The following TPRG1L variants were observed in gnomAD, a reference collection of about 807,000 sequenced individuals.
The protein encoded by TPRG1L is tumor protein p63-regulated gene 1-like protein.
Under a neutral mutation model 29.4 loss-of-function variants are expected in TPRG1L, and 25 were observed. The observed-to-expected ratio is 0.85, with a 90% CI of 0.62 to 1.19. TPRG1L has a LOEUF of 1.19. TPRG1L is among the 50% of genes most tolerant of loss of function. The pLI is 0.00. For synonymous variants in TPRG1L, 182 were observed against 151.1 expected (o/e 1.20, Z -1.50); for missense variants, 354 against 364.4 (o/e 0.97, Z 0.23).
At chr1:3,627,413 T>G in intron 3 of TPRG1L, 87 bp from the exon 4 acceptor site, 3 of 1,496,476 alleles carry the variant, frequency 2.0e-6, no homozygotes, top group South Asian at 2.4e-5. Context: ...TGCTGTCATA[T>G]TCTCCTAACT....
At position 3,629,198 on chromosome 1, in the gene TPRG1L, C is replaced by G. The variant is rs1188006318; in HGVS notation, c.*595C>G. 3 of 152,208 alleles carry G rather than the reference C, an allele frequency of 2.0e-5. No homozygotes were observed. Among genetic ancestry groups the G allele is most frequent in the Admixed American group, 6.5e-5 (1 of 15,282 alleles). The allele number at this position is 152,208 out of a possible 1,614,324, so 9.4% of individuals were successfully genotyped here. A position where few individuals can be genotyped will look rare whatever the true frequency, so the allele number is the denominator to read the frequency against. ...CGCTGCTCTTTTGGAAATGGGTGACCTGAAGTGACACTTTTTCCACAATTA... is the reference window on the plus strand; with the variant it reads ...CGCTGCTCTTTTGGAAATGGGTGACGTGAAGTGACACTTTTTCCACAATTA... On this transcript the variant is annotated 3_prime_UTR_variant, in exon 5 of 5. Coordinates refer to ENST00000378344, the MANE Select transcript of TPRG1L (RefSeq NM_182752.4).
chr1:3,628,440 C>A lies in TPRG1L; in HGVS notation c.656C>A (p.Ala219Asp). 6.2e-7 allele frequency: 1 copy of A among 1,612,270 alleles called. No individual in the cohort carries two copies. Among genetic ancestry groups the A allele is most frequent in the Non-Finnish European group, 8.5e-7 (1 of 1,178,742 alleles). ...AGCTTCAAGGCTCTGTTAATCCAAGCTGTCAAAAAAGCCCAAAAAGAAAGC... is the reference window on the plus strand; with the variant it reads ...AGCTTCAAGGCTCTGTTAATCCAAGATGTCAAAAAAGCCCAAAAAGAAAGC... ...LESFKALLIQ[A>D]VKKAQKESPL... The change falls in exon 5 of 5, where the codon GCT becomes GAT. Residue 219 changes from alanine to aspartate, a missense_variant. Ala to Asp is a moderately radical substitution (Grantham distance 126). Coordinates refer to ENST00000378344, the MANE Select transcript of TPRG1L (RefSeq NM_182752.4).
chr1:3,625,574 C>T, intron 2 of TPRG1L, 59 bp downstream of exon 2: 1 of 1,573,364 alleles, frequency 6.4e-7, no homozygotes, highest in Non-Finnish European at 8.6e-7. Flanking sequence ...CCGCGCAGCA[C>T]CTTGCGAGGA....
chr1:3,625,687 G>T, intron 2 of TPRG1L, 26 bp from the exon 3 acceptor site: 1 of 1,600,926 alleles, frequency 6.2e-7, no homozygotes, highest in African/African-American at 1.3e-5. Context: ...GTCCAGTGTG[G>T]ACTGAGGCCC....
intron 4 of TPRG1L, 51 bp downstream of exon 4, chr1:3,627,704 C>A: frequency 1.9e-6 from 3 of 1,603,612 alleles, no homozygotes; most frequent in Non-Finnish European, 2.5e-6. Flanking sequence ...GATGGAAACA[C>A]CCCCCGCAGT....
In TPRG1L at chr1:3,625,711, A is replaced by G. The variant is rs767845152; in HGVS notation, c.294-2A>G. ...GGACTGAGGCCCCTCCTCTGCCTACAGGGTGGATCACTGGAACAATGAGAA... is the reference window on the plus strand; with the variant it reads ...GGACTGAGGCCCCTCCTCTGCCTACGGGGTGGATCACTGGAACAATGAGAA... On this transcript the variant is annotated splice_acceptor_variant, in intron 2 of 4. Coordinates refer to ENST00000378344, the MANE Select transcript of TPRG1L (RefSeq NM_182752.4). LOFTEE classifies it high-confidence loss of function. 28 of 1,610,966 alleles carry G rather than the reference A, an allele frequency of 1.7e-5. No homozygotes were observed. The highest frequency in any genetic ancestry group is 2.4e-5 in the Non-Finnish European group (28 of 1,178,514).
In TPRG1L at chr1:3,625,893, A is replaced by G; in HGVS notation, c.470+4A>G. Reference sequence around the variant, plus strand: ...TTCCCCCTAAATCGCTCAACAAGTAAGCCTGTTCAGAGTCCAGTATCACTG... The same window carrying G: ...TTCCCCCTAAATCGCTCAACAAGTAGGCCTGTTCAGAGTCCAGTATCACTG... On this transcript the variant is annotated splice_donor_region_variant and intron_variant, in intron 3 of 4. Transcript: ENST00000378344. 1 of 1,608,268 alleles carries G rather than the reference A, an allele frequency of 6.2e-7. No homozygotes were observed. The highest frequency in any genetic ancestry group is 8.5e-7 in the Non-Finnish European group (1 of 1,178,254).
Position 3,629,398 on chromosome 1 carries a change from G to A in TPRG1L, c.*795G>A, listed in dbSNP as rs1229556626. The A allele has an allele frequency of 3.9e-5, 6 of 152,216 alleles. No homozygotes were observed. The highest frequency in any genetic ancestry group is 1.4e-4 in the African/African-American group (6 of 41,450). 9.4% of individuals were successfully genotyped at this position (152,216 alleles called of 1,614,324 possible). ...TGTATTCATAGTTAAAGGGAATCGG[G>A]TACTTTGCTTGTTGAATAATGCACT... On this transcript the variant is annotated 3_prime_UTR_variant, in exon 5 of 5. Transcript: ENST00000378344.
rs778045809 is a variant in TPRG1L at position 3,627,492 on chromosome 1, CTT to C, written c.471-5_471-4del. On this transcript the variant is annotated splice_region_variant and splice_polypyrimidine_tract_variant and intron_variant, in intron 3 of 4. Transcript: ENST00000378344. ...TGCTAAGTCTGGCTATTTCTTCTGA[CTT>C]TTCAGGCGAGAAGGTTTTGGGATTC... The C allele has an allele frequency of 3.1e-6, 5 of 1,613,646 alleles. No homozygotes were observed. In the Admixed American group the frequency reaches 6.7e-5, roughly 22 times the overall value.
rs1644505800 is a variant in TPRG1L, at chr1:3,628,660, G to A, written c.*57G>A. 4 of 1,464,190 alleles carry A rather than the reference G, an allele frequency of 2.7e-6. No homozygotes were observed. Among genetic ancestry groups the A allele is most frequent in the Non-Finnish European group, 3.7e-6 (4 of 1,084,906 alleles). The allele number at this position is 1,464,190 out of a possible 1,614,324, so 90.7% of individuals were successfully genotyped here. ...GGGAGCTCCTCCCCCTCCCCAGAAGGCCAAGGGATGTGGGGGCTGGGGGAC... is the reference window on the plus strand; with the variant it reads ...GGGAGCTCCTCCCCCTCCCCAGAAGACCAAGGGATGTGGGGGCTGGGGGAC... On this transcript the variant is annotated 3_prime_UTR_variant, in exon 5 of 5. Coordinates refer to ENST00000378344, the MANE Select transcript of TPRG1L (RefSeq NM_182752.4).
chr1:3,628,354 T>C (rs1644503384), intron 4 of TPRG1L, 55 bp from the exon 5 acceptor site: 1 of 1,463,622 alleles, frequency 6.8e-7, no homozygotes, highest in Non-Finnish European at 9.3e-7. Context: ...TTTCAAGTAA[T>C]AGACATTCTT....
At position 3,625,491 on chromosome 1, in the gene TPRG1L, TC is replaced by T. The variant is rs1321512014; in HGVS notation, c.271del (p.Gln91ArgfsTer45). On this transcript the variant is annotated frameshift_variant, in exon 2 of 5. Transcript: ENST00000378344. LOFTEE classifies it high-confidence loss of function. ...GTGCGGCCCGTGGAGGACGGCGAGA[TC>T]CAGGGAGTGTGGCTGCTTACCGAGT... ...VVVRPVEDGE[I>X]QGVWLLTEVD... 3.1e-6 allele frequency: 5 copies of T among 1,606,858 alleles called. No homozygotes were observed. Among genetic ancestry groups the T allele is most frequent in the South Asian group, 1.1e-5 (1 of 89,604 alleles).
Position 3,628,516 on chromosome 1 carries a change from C to T in TPRG1L, c.732C>T (p.Leu244=). 7.4e-6 allele frequency: 12 copies of T among 1,614,126 alleles called. No individual in the cohort carries two copies. The highest frequency in any genetic ancestry group is 1.0e-5 in the Non-Finnish European group (12 of 1,179,976). ...TGCTGATCCTGGAGCGCCCCCTGCT[C>T]ATCGAGACCTACGTGGGACTCATGT... is the stretch of plus-strand genomic sequence containing the variant. The part of the protein sequence containing the change: ...NGVLILERPL[L]IETYVGLMSF... Residue 244 remains leucine, a synonymous_variant, in exon 5 of 5, where the codon CTC becomes CTT. Coordinates refer to ENST00000378344, the MANE Select transcript of TPRG1L (RefSeq NM_182752.4).
chr1:3,628,082 CTG>C (rs1644501820), intron 4 of TPRG1L, among the ~76,000 whole-genome samples: 1 of 152,230 alleles, frequency 6.6e-6, no homozygotes, highest in African/African-American at 2.4e-5. Flanking sequence ...ACTTCCCCAG[CTG>C]TGTGCCTCGG....
rs1219235148 is a variant in TPRG1L, at chr1:3,625,446, TGGA to T, written c.229_231del (p.Glu77del). On this transcript the variant is annotated inframe_deletion, in exon 2 of 5. Transcript: ENST00000378344. ...CAGCCCGGCAGCATCGAGCAGGCAG[TGGA>T]GGAGATCCGCGTGGTGGTGCGGCCC... 3.1e-6 allele frequency: 5 copies of T among 1,604,440 alleles called. No individual in the cohort carries two copies. Among genetic ancestry groups the T allele is most frequent in the South Asian group, 2.2e-5 (2 of 88,962 alleles).
chr1:3,625,970 C>G (rs1644485398), intron 3 of TPRG1L, 81 bp downstream of exon 3: 20 of 1,339,530 alleles, frequency 1.5e-5, no homozygotes, highest in Non-Finnish European at 1.8e-5. Context: ...AATCAGCCCC[C>G]CAAGCGGTGT....
chr1:3,627,085 C>G (rs947000003), intron 3 of TPRG1L, among the ~76,000 whole-genome samples: 1 of 151,918 alleles, frequency 6.6e-6, no homozygotes, highest in African/African-American at 2.4e-5. Flanking sequence ...CTGAGGCGGG[C>G]GGATCACCTG....
intron 3 of TPRG1L, among the ~76,000 whole-genome samples, chr1:3,627,002 T>A (rs898729273): frequency 6.6e-6 from 1 of 152,190 alleles, no homozygotes; most frequent in African/African-American, 2.4e-5. Flanking sequence ...TAGTGGAGAT[T>A]GAAGTTACTA....
In TPRG1L at chr1:3,625,483, C is replaced by T. The variant is rs1378763204; in HGVS notation, c.261C>T (p.Asp87=). The T allele has an allele frequency of 3.7e-6, 6 of 1,607,248 alleles. No individual in the cohort carries two copies. Among genetic ancestry groups the T allele is most frequent in the African/African-American group, 2.7e-5 (2 of 74,890 alleles). Residue 87 remains aspartate (D), a synonymous_variant, in exon 2 of 5, where the codon GAC becomes GAT. Coordinates refer to ENST00000378344, the MANE Select transcript of TPRG1L (RefSeq NM_182752.4). ...EIRVVVRPVE[D]GEIQGVWLLT... is the part of the protein sequence containing the mutation. ...GCGTGGTGGTGCGGCCCGTGGAGGA[C>T]GGCGAGATCCAGGGAGTGTGGCTGC...
Sources: allele counts gnomAD v4.1 joint callset (sites outside exome capture counted in the v4.1 genomes callset), GRCh38; gene constraint gnomAD v4.1.1; transcripts MANE v1.5; gene names NCBI Gene and HGNC (gene_info 2026-07-23, HGNC 2026-07-21).